FAM228B: variants seen among roughly 807,000 people sequenced by gnomAD.
FAM228B encodes family with sequence similarity 228 member B, also known as protein FAM228B.
A neutral mutation model predicts 42.6 loss-of-function variants in FAM228B; 38 were observed. That is an observed-to-expected ratio of 0.89 (90% CI 0.69 to 1.17). FAM228B has a LOEUF of 1.17. FAM228B is among the 50% of genes most tolerant of loss of function. The pLI, the probability that FAM228B is intolerant of heterozygous loss-of-function variation, is 0.00. For missense variants in FAM228B, 344 were observed against 367.3 expected (o/e 0.94, Z 0.52); for synonymous variants, 109 against 122.3 (o/e 0.89, Z 0.72).
chr2:24,080,622 A>G lies in FAM228B; in HGVS notation c.-289-254A>G, dbSNP rs80337893. On this transcript the variant is annotated intron_variant, in intron 1 of 10. Coordinates refer to the FAM228B transcript ENST00000613899. The surrounding 1 kb of genome is among the most constrained non-coding windows in gnomAD (Gnocchi z 4.7). ...AATCTTATCTCTTGCAAGAATGCAC[A>G]TGGAAACCATCTTAGATTTAAATAT... The G allele has an allele frequency of 4.7e-5, 31 of 658,904 alleles. No homozygotes were observed. In the East Asian group the frequency reaches 5.2e-4, roughly 11 times the overall value. The allele number at this position is 658,904 out of a possible 1,614,324, so 40.8% of individuals were successfully genotyped here. A position where few individuals can be genotyped will look rare whatever the true frequency, so the allele number is the denominator to read the frequency against.
At chr2:24,153,699 C>T (rs142379462) in intron 7 of FAM228B, among the ~76,000 whole-genome samples, 1 of 152,288 alleles carries the variant, frequency 6.6e-6, no homozygotes, top group Admixed American at 6.5e-5. Context: ...TTAGCCATGC[C>T]AGCTGGTGTC....
upstream of FAM228B, among the ~76,000 whole-genome samples, chr2:24,121,854 G>C (rs1666129479): frequency 2.6e-5 from 4 of 152,144 alleles, no homozygotes; most frequent in Admixed American, 2.6e-4. Flanking sequence ...CCTCTGCCAT[G>C]AGTGGAAGCA....
At chr2:24,107,839 A>G (rs1265985105) in intron 3 of FAM228B, among the ~76,000 whole-genome samples, 1 of 152,226 alleles carries the variant, frequency 6.6e-6, no homozygotes, top group Non-Finnish European at 1.5e-5. Flanking sequence ...TCCCAAATTA[A>G]CAACCTAATA....
chr2:24,094,029 CTTTTTTTTTTTTTTTT>C (rs57620033), intron 2 of FAM228B, among the ~76,000 whole-genome samples: 1 of 77,394 alleles, frequency 1.3e-5, no homozygotes, highest in Non-Finnish European at 2.4e-5. Context: ...TCGCCACATA[CTTTTTTTTTTTTTTTT>C]TTTTTTTTTT....
chr2:24,145,705 C>T (rs1573774192), intron 5 of FAM228B, among the ~76,000 whole-genome samples: 1 of 108,956 alleles, frequency 9.2e-6, no homozygotes. Context: ...TTTTTTTGTT[C>T]CTTTTTTTTT....
At chr2:24,091,357 C>T (rs1033445844) in intron 2 of FAM228B, among the ~76,000 whole-genome samples, 4 of 152,074 alleles carry the variant, frequency 2.6e-5, no homozygotes, top group South Asian at 2.1e-4. Context: ...GGCGTGAACC[C>T]GGGAGGCGGA....
rs1463494967 is a variant in FAM228B at position 24,169,155 on chromosome 2, G to GT, written c.*15-200dup. Among the ~76,000 whole-genome samples, 1 of 152,210 alleles carries GT rather than the reference G, an allele frequency of 6.6e-6. No homozygotes were observed. The highest frequency in any genetic ancestry group is 2.4e-5 in the African/African-American group (1 of 41,438). ...TTTGACCATGTCCCTGAATCTCTCA[G>GT]TGCTTCTGACTCCAGACAGCGCGAG... On this transcript the variant is annotated intron_variant, in intron 10 of 10. Transcript: ENST00000615575. This position sits in a 1 kb window ranked among gnomAD's most constrained non-coding sequence, Gnocchi z 4.2.
chr2:24,135,873 G>C (rs1303138875), intron 3 of FAM228B, among the ~76,000 whole-genome samples: 1 of 151,458 alleles, frequency 6.6e-6, no homozygotes, highest in African/African-American at 2.4e-5. Flanking sequence ...GCCTAATCAA[G>C]CATCATCTTT....
intron 7 of FAM228B, among the ~76,000 whole-genome samples, chr2:24,150,613 T>G (rs529487433): frequency 1.3e-5 from 2 of 152,054 alleles, no homozygotes; most frequent in East Asian, 3.9e-4. Flanking sequence ...TTAATAGCGA[T>G]GGGGTTTCTC....
At chr2:24,155,354 T>C (rs1398848180) in intron 7 of FAM228B, among the ~76,000 whole-genome samples, 1 of 151,326 alleles carries the variant, frequency 6.6e-6, no homozygotes, top group Admixed American at 6.6e-5. Context: ...TTTTAGATGA[T>C]TGTCAGATTA....
intron 2 of FAM228B, among the ~76,000 whole-genome samples, chr2:24,090,125 C>T (rs1665355708): frequency 6.6e-6 from 1 of 150,860 alleles, no homozygotes; most frequent in Non-Finnish European, 1.5e-5. Context: ...AAAAATTAGC[C>T]GGGGTGGTGG....
chr2:24,156,780 C>A (rs1000448987), intron 7 of FAM228B, among the ~76,000 whole-genome samples: 36 of 142,760 alleles, frequency 2.5e-4, no homozygotes, highest in Non-Finnish European at 4.4e-4. Context: ...TTCCGCCCCC[C>A]CCCCCCCAGC....
intron 3 of FAM228B, among the ~76,000 whole-genome samples, chr2:24,106,551 C>T (rs1228829866): frequency 6.6e-6 from 1 of 151,948 alleles, no homozygotes; most frequent in Non-Finnish European, 1.5e-5. Flanking sequence ...AACTCCTGAC[C>T]TCAGGTGATC....
intron 3 of FAM228B, among the ~76,000 whole-genome samples, chr2:24,100,122 A>T (rs1665576140): frequency 6.6e-6 from 1 of 152,190 alleles, no homozygotes; most frequent in African/African-American, 2.4e-5. Context: ...TTAATTCAAG[A>T]TGGATTAAAG....
chr2:24,079,200 C>T (rs1664888766), intron 1 of FAM228B: 2 of 504,212 alleles, frequency 4.0e-6, no homozygotes, highest in Admixed American at 3.2e-5. Context: ...TTTCTTCATT[C>T]TGTTAGAATG....
chr2:24,131,494 C>G, intron 2 of FAM228B, among the ~76,000 whole-genome samples: 1 of 152,224 alleles, frequency 6.6e-6, no homozygotes, highest in African/African-American at 2.4e-5. Flanking sequence ...TCTGTCCTCT[C>G]TTATTTCCTT....
At chr2:24,115,572 C>T (rs1242711120) in intron 3 of FAM228B, 12 of 1,609,606 alleles carry the variant, frequency 7.5e-6, no homozygotes, top group Non-Finnish European at 1.0e-5. Flanking sequence ...CTTTCATGGG[C>T]CTCTGATGAC....
intron 1 of FAM228B, 133 bp from the exon 2 acceptor site, chr2:24,124,197 C>G: frequency 1.8e-6 from 1 of 553,172 alleles, no homozygotes; most frequent in Non-Finnish European, 3.2e-6. Context: ...GTAGTGAAGG[C>G]CTCTTGTTAG....
intron 3 of FAM228B, among the ~76,000 whole-genome samples, chr2:24,104,316 A>T (rs1025078): frequency 0.99 from 150,721 of 152,298 alleles, 74,588 homozygotes; most frequent in South Asian, 0.99. Flanking sequence ...ACTCAGACGT[A>T]TTATAGGGCC....
Sources: allele counts gnomAD v4.1 joint callset (sites outside exome capture counted in the v4.1 genomes callset), GRCh38; gene constraint gnomAD v4.1.1; non-coding constraint Gnocchi (gnomAD v3.1); transcripts MANE v1.5; gene names NCBI Gene and HGNC (gene_info 2026-07-23, HGNC 2026-07-21).